The following XKR6 variants were observed in gnomAD, a reference collection of about 807,000 sequenced individuals.
XKR6 encodes XK related 6.
A neutral mutation model predicts 56.7 loss-of-function variants in XKR6; 22 were observed. That is an observed-to-expected ratio of 0.39 (90% CI 0.28 to 0.55). The LOEUF (loss-of-function observed/expected upper bound fraction) is 0.55, where lower values mean the gene tolerates loss of function less well. Ranked by LOEUF, XKR6 falls within the 20% of genes least tolerant of loss-of-function variation. The probability of loss-of-function intolerance (pLI) is 0.66; values close to 1 mark genes in which losing one functional copy is unlikely to be tolerated. For synonymous variants in XKR6, 524 were observed against 387.8 expected, an observed-to-expected ratio of 1.35 and a Z score of -4.13; for missense variants, 852 against 889.0, an observed-to-expected ratio of 0.96 and a Z score of 0.53.
intron 1 of XKR6, among the ~76,000 whole-genome samples, chr8:11,086,800 TCTG>T (rs1797907733): frequency 6.6e-6 from 1 of 152,240 alleles, no homozygotes; most frequent in Non-Finnish European, 1.5e-5. Flanking sequence ...AGTAGCTTGT[TCTG>T]CTGCTAATAG....
At chr8:11,110,854 T>C (rs904602496) in intron 1 of XKR6, among the ~76,000 whole-genome samples, 4 of 152,060 alleles carry the variant, frequency 2.6e-5, no homozygotes, top group African/African-American at 4.8e-5. Flanking sequence ...TTTTTTTTTT[T>C]GAGGCGGAGT....
intron 1 of XKR6, among the ~76,000 whole-genome samples, chr8:11,134,765 T>C (rs907474899): frequency 2.6e-5 from 4 of 152,018 alleles, no homozygotes; most frequent in East Asian, 3.8e-4. Context: ...GACAATACTA[T>C]ATTCACAAAA....
At chr8:11,030,746 C>T (rs1798974569) in intron 1 of XKR6, among the ~76,000 whole-genome samples, 1 of 152,116 alleles carries the variant, frequency 6.6e-6, no homozygotes, top group South Asian at 2.1e-4. Context: ...TGCCAGCCAG[C>T]CAGCCAGTCT....
In XKR6 at chr8:11,201,471, A is replaced by C; in HGVS notation, c.-132T>G. On this transcript the variant is annotated 5_prime_UTR_variant, in exon 1 of 3. Coordinates refer to ENST00000416569, the MANE Select transcript of XKR6 (RefSeq NM_173683.4). ...CGGGGAGGAAGCGGGGGAGCAAACG[A>C]ACGAGGGGGGAGTGGGCCAGGGAAC... 8 of 496,430 alleles carry C rather than the reference A, an allele frequency of 1.6e-5. No homozygotes were observed. The highest frequency in any genetic ancestry group is 4.4e-5 in the East Asian group (1 of 22,870). 30.8% of individuals were successfully genotyped at this position (496,430 alleles called of 1,614,324 possible). A position where few individuals can be genotyped will look rare whatever the true frequency, so the allele number is the denominator to read the frequency against.
At chr8:11,083,843 T>C (rs1055033387) in intron 1 of XKR6, among the ~76,000 whole-genome samples, 1 of 152,190 alleles carries the variant, frequency 6.6e-6, no homozygotes, top group Non-Finnish European at 1.5e-5. Flanking sequence ...GTATGCCCAC[T>C]ATGATTACAT....
intron 1 of XKR6, among the ~76,000 whole-genome samples, chr8:11,168,643 A>G (rs1255186877): frequency 6.6e-6 from 1 of 152,236 alleles, no homozygotes; most frequent in Non-Finnish European, 1.5e-5. Flanking sequence ...ATGTTTGTCC[A>G]CAAAGCAAGT....
chr8:11,121,253 C>G (rs1799442072), intron 1 of XKR6, among the ~76,000 whole-genome samples: 1 of 152,084 alleles, frequency 6.6e-6, no homozygotes, highest in African/African-American at 2.4e-5. Context: ...AACAGGCAAC[C>G]TACAGAATGG....
chr8:10,972,135 G>T (rs889616859), intron 1 of XKR6, among the ~76,000 whole-genome samples: 1 of 152,102 alleles, frequency 6.6e-6, no homozygotes, highest in Non-Finnish European at 1.5e-5. Context: ...GACCCCGACT[G>T]CTTGGGGGTT....
intron 1 of XKR6, among the ~76,000 whole-genome samples, chr8:11,192,850 C>T (rs998016691): frequency 3.9e-5 from 6 of 152,276 alleles, no homozygotes; most frequent in Middle Eastern, 3.4e-3. Context: ...AGAAACACAG[C>T]TGAAGTGAGA....
At chr8:11,173,006 C>A (rs1259639509) in intron 1 of XKR6, among the ~76,000 whole-genome samples, 1 of 152,104 alleles carries the variant, frequency 6.6e-6, no homozygotes. Context: ...TTTCCATTTA[C>A]CTGATTTGGG....
intron 1 of XKR6, among the ~76,000 whole-genome samples, chr8:11,071,474 CCGAG>C (rs1800113583): frequency 2.6e-5 from 2 of 75,738 alleles, no homozygotes; most frequent in African/African-American, 8.9e-5. Context: ...TCTATGAGCC[CCGAG>C]TCCATGAGCC....
chr8:11,020,862 T>C (rs1798734551), intron 1 of XKR6, among the ~76,000 whole-genome samples: 1 of 152,204 alleles, frequency 6.6e-6, no homozygotes, highest in African/African-American at 2.4e-5. Context: ...AAAATGGCAG[T>C]GACATGAGTA....
intron 1 of XKR6, among the ~76,000 whole-genome samples, chr8:11,078,465 T>G (rs988081210): frequency 1.3e-5 from 2 of 152,194 alleles, no homozygotes; most frequent in Non-Finnish European, 2.9e-5. Context: ...CTATTCCACG[T>G]GCTGCTGACC....
intron 1 of XKR6, among the ~76,000 whole-genome samples, chr8:11,169,980 C>T (rs1387440540): frequency 1.8e-5 from 2 of 113,396 alleles, no homozygotes; most frequent in Admixed American, 7.5e-5. Flanking sequence ...CATAGACATA[C>T]ATAACAAAAT....
At chr8:10,942,669 G>C (rs908154547) in intron 1 of XKR6, among the ~76,000 whole-genome samples, 19 of 152,278 alleles carry the variant, frequency 1.2e-4, no homozygotes, top group Middle Eastern at 3.4e-3. Context: ...TCAGCGCCAC[G>C]CTGCCCCCAT....
chr8:11,125,227 A>C (rs1421771020), intron 1 of XKR6, among the ~76,000 whole-genome samples: 4 of 152,164 alleles, frequency 2.6e-5, no homozygotes, highest in Non-Finnish European at 5.9e-5. Flanking sequence ...GCTAAGGACC[A>C]AGCTGAGGAC....
At chr8:10,998,069 C>A (rs114072131) in intron 1 of XKR6, among the ~76,000 whole-genome samples, 1 of 152,068 alleles carries the variant, frequency 6.6e-6, no homozygotes, top group African/African-American at 2.4e-5. Context: ...AGCAGGACAA[C>A]AGGGGATTGG....
chr8:11,116,119 T>A (rs375557143), intron 1 of XKR6, among the ~76,000 whole-genome samples: 1 of 152,218 alleles, frequency 6.6e-6, no homozygotes, highest in African/African-American at 2.4e-5. Context: ...TAGATTTTGC[T>A]GCATTCAAAT....
chr8:11,060,322 T>C (rs137950017), intron 1 of XKR6, among the ~76,000 whole-genome samples: 1 of 152,226 alleles, frequency 6.6e-6, no homozygotes, highest in Non-Finnish European at 1.5e-5. Flanking sequence ...CCTGCCTCCA[T>C]GCCTCCACGC....
Sources: gnomAD v4.1 joint callset for allele counts (sites outside exome capture counted in the v4.1 genomes callset) on GRCh38, gnomAD v4.1.1 for gene constraint, MANE v1.5 for transcripts, NCBI Gene and HGNC (gene_info 2026-07-23, HGNC 2026-07-21) for gene names.